Variants in LYPD6B observed in about 807,000 individuals in gnomAD.
LYPD6B encodes LY6/PLAUR domain containing 6B.
Under a neutral mutation model 22.8 loss-of-function variants are expected in LYPD6B, and 17 were observed. That is an observed-to-expected ratio of 0.75 (90% confidence interval 0.51 to 1.12). LYPD6B has a LOEUF of 1.12. Among genes scored for constraint, LYPD6B ranks in the 50% most tolerant of loss-of-function variants. The pLI is 0.00. For missense variants in LYPD6B, 221 were observed against 258.3 expected, an observed-to-expected ratio of 0.86 and a Z score of 0.99; for synonymous variants, 106 against 91.6, an observed-to-expected ratio of 1.16 and a Z score of -0.90.
intron 1 of LYPD6B, among the ~76,000 whole-genome samples, chr2:149,123,285 A>T (rs1317686118): frequency 6.6e-6 from 1 of 152,110 alleles, no homozygotes; most frequent in African/African-American, 2.4e-5. Context: ...TATTGGCTTT[A>T]TGGTTTTGGT....
chr2:149,132,053 C>T (rs1488556685), intron 2 of LYPD6B, among the ~76,000 whole-genome samples: 1 of 151,898 alleles, frequency 6.6e-6, no homozygotes, highest in South Asian at 2.1e-4. Context: ...CAAAGCCATG[C>T]ATCCTGGGTC....
intron 2 of LYPD6B, among the ~76,000 whole-genome samples, chr2:149,159,535 A>G (rs1418549275): frequency 1.3e-5 from 2 of 151,888 alleles, no homozygotes; most frequent in Non-Finnish European, 2.9e-5. Flanking sequence ...TAGATGGCAT[A>G]CTAGTACTAA....
chr2:149,172,981 T>C (rs1370299063), intron 3 of LYPD6B, among the ~76,000 whole-genome samples: 1 of 22,644 alleles, frequency 4.4e-5, no homozygotes, highest in African/African-American at 7.1e-5. Flanking sequence ...TTAATAAGCA[T>C]ATATATATAT....
intron 1 of LYPD6B, among the ~76,000 whole-genome samples, chr2:149,092,963 G>A (rs1300108650): frequency 6.6e-6 from 1 of 152,324 alleles, no homozygotes; most frequent in East Asian, 1.9e-4. Flanking sequence ...CTTGGATTGG[G>A]AGGAGGGAAT....
chr2:149,187,444 AGAAGAAGATGAG>A, intron 3 of LYPD6B: 1 of 1,532,810 alleles, frequency 6.5e-7, no homozygotes, highest in African/African-American at 1.4e-5. Flanking sequence ...GGCATTGTAC[AGAAGAAGATGAG>A]AATCACAGTA....
At chr2:149,191,152 G>T (rs1422622533) in intron 3 of LYPD6B, among the ~76,000 whole-genome samples, 1 of 152,066 alleles carries the variant, frequency 6.6e-6, no homozygotes, top group Non-Finnish European at 1.5e-5. Flanking sequence ...CACTCATTTT[G>T]AGAATGCTTA....
At chr2:149,095,217 AC>A (rs1308535356) in intron 1 of LYPD6B, among the ~76,000 whole-genome samples, 1 of 152,028 alleles carries the variant, frequency 6.6e-6, no homozygotes, top group African/African-American at 2.4e-5. Flanking sequence ...AATCGCTTGA[AC>A]CCGGGAGGCA....
chr2:149,175,559 G>A (rs548382393), intron 3 of LYPD6B, among the ~76,000 whole-genome samples: 2 of 151,830 alleles, frequency 1.3e-5, no homozygotes, highest in East Asian at 1.9e-4. Context: ...ACTAATTTTA[G>A]TTTACTGTAA....
intron 2 of LYPD6B, chr2:149,153,959 C>A (rs995767400): frequency 3.1e-6 from 1 of 325,488 alleles, no homozygotes; most frequent in African/African-American, 2.2e-5. Context: ...TGGGGAGCAA[C>A]AAGGTGAGAG....
intron 5 of LYPD6B, among the ~76,000 whole-genome samples, chr2:149,210,748 T>G (rs1349577041): frequency 6.6e-6 from 1 of 152,242 alleles, no homozygotes; most frequent in African/African-American, 2.4e-5. Context: ...TATGAACACA[T>G]GCAGCCACCA....
intron 3 of LYPD6B, among the ~76,000 whole-genome samples, chr2:149,172,082 A>G (rs943935894): frequency 6.6e-6 from 1 of 152,192 alleles, no homozygotes; most frequent in Admixed American, 6.5e-5. Flanking sequence ...ACAGTTCAGC[A>G]TGGCTGGGGA....
intron 2 of LYPD6B, among the ~76,000 whole-genome samples, chr2:149,136,593 TAAGTG>T (rs1320771211): frequency 6.6e-6 from 1 of 152,242 alleles, no homozygotes; most frequent in African/African-American, 2.4e-5. Flanking sequence ...GCTGAAGCAT[TAAGTG>T]AAGTGTGTGA....
intron 2 of LYPD6B, among the ~76,000 whole-genome samples, chr2:149,139,903 A>G (rs1039696064): frequency 6.6e-6 from 1 of 152,220 alleles, no homozygotes; most frequent in African/African-American, 2.4e-5. Flanking sequence ...TCAAGAAGGA[A>G]TTAGGTTAGA....
intron 3 of LYPD6B, among the ~76,000 whole-genome samples, chr2:149,196,379 C>T (rs1692811721): frequency 6.6e-6 from 1 of 152,116 alleles, no homozygotes; most frequent in Non-Finnish European, 1.5e-5. Flanking sequence ...TTTTTAAATG[C>T]CCTCCTGTTT....
At chr2:149,120,383 A>ATATTTTTTTTTT (rs1327065975) in intron 1 of LYPD6B, among the ~76,000 whole-genome samples, 2 of 48,618 alleles carry the variant, frequency 4.1e-5, no homozygotes, top group African/African-American at 1.1e-4. Context: ...ATATATATAT[A>ATATTTTTTTTTT]TTTTTTTTTT....
At chr2:149,110,854 A>C (rs1686722255) in intron 1 of LYPD6B, among the ~76,000 whole-genome samples, 1 of 152,202 alleles carries the variant, frequency 6.6e-6, no homozygotes, top group South Asian at 2.1e-4. Context: ...ACTTTGAAGA[A>C]AAATAAGGCA....
chr2:149,058,147 A>G (rs1683895851), intron 1 of LYPD6B, among the ~76,000 whole-genome samples: 1 of 152,174 alleles, frequency 6.6e-6, no homozygotes, highest in Non-Finnish European at 1.5e-5. Flanking sequence ...CCTCTGAACC[A>G]TAGTTTTCAT....
intron 1 of LYPD6B, among the ~76,000 whole-genome samples, chr2:149,058,996 G>A (rs13007373): frequency 0.53 from 80,681 of 152,068 alleles, 22,742 homozygotes; most frequent in Non-Finnish European, 0.61. Flanking sequence ...GAGGCCTGGA[G>A]ATGTGAGATT....
chr2:149,175,061 C>CTCTCTGTGTGTGTGTGTG (rs1454802925), intron 3 of LYPD6B, among the ~76,000 whole-genome samples: 1 of 113,002 alleles, frequency 8.8e-6, no homozygotes, highest in African/African-American at 3.2e-5. Flanking sequence ...CTCTCTCTCT[C>CTCTCTGTGTGTGTGTGTG]TGTGTGTGTG....
Sources: allele counts gnomAD v4.1 joint callset (sites outside exome capture counted in the v4.1 genomes callset), GRCh38; gene constraint gnomAD v4.1.1; transcripts MANE v1.5; gene names NCBI Gene and HGNC (gene_info 2026-07-23, HGNC 2026-07-21).